GHR: variants seen among roughly 807,000 people sequenced by gnomAD.
GHR encodes GH receptor.
A neutral mutation model predicts 67.1 loss-of-function variants in GHR; 35 were observed. The observed-to-expected ratio is 0.52, with a 90% CI of 0.40 to 0.69. GHR has a LOEUF of 0.69. Ranked by LOEUF, GHR falls within the 30% of genes least tolerant of loss-of-function variation. GHR has a pLI of 0.00. For synonymous variants in GHR, 272 were observed against 269.1 expected, an observed-to-expected ratio of 1.01 and a Z score of -0.10; for missense variants, 792 against 764.6, an observed-to-expected ratio of 1.04 and a Z score of -0.42.
At position 42,701,441 on chromosome 5, in the gene GHR, A is replaced by T. The variant is rs574942946; in HGVS notation, c.618+1439A>T. On this transcript the variant is annotated intron_variant, in intron 6 of 9. Transcript: ENST00000230882. ...TGTCTGCTGCGTACTGAGGTATTGT[A>T]TTTGTCTTGAAGAAAAGCGCTTAAA... is the stretch of plus-strand genomic sequence containing the variant. Among the ~76,000 whole-genome samples the T allele has an allele frequency of 2.0e-5, 3 of 152,250 alleles. No homozygotes were observed. The South Asian group carries it at 6.2e-4, about 32-fold the overall frequency.
At chr5:42,667,096 C>A (rs151113616) in intron 3 of GHR, among the ~76,000 whole-genome samples, 1 of 152,274 alleles carries the variant, frequency 6.6e-6, no homozygotes, top group East Asian at 1.9e-4. Context: ...ATTAAGGCAG[C>A]TGCACACCCC....
At chr5:42,581,449 G>C (rs2112558022) in intron 2 of GHR, among the ~76,000 whole-genome samples, 1 of 152,300 alleles carries the variant, frequency 6.6e-6, no homozygotes, top group East Asian at 1.9e-4. Context: ...GAGACAGGTT[G>C]CTAGTGGAAT....
chr5:42,647,129 G>T (rs943190248), intron 3 of GHR, among the ~76,000 whole-genome samples: 3 of 152,164 alleles, frequency 2.0e-5, no homozygotes, highest in Admixed American at 2.0e-4. Context: ...CTGAGAAAAT[G>T]GTATAATTAT....
intron 2 of GHR, 102 bp from the exon 3 acceptor site, chr5:42,628,935 CG>C: frequency 2.8e-6 from 2 of 719,354 alleles, no homozygotes; most frequent in Non-Finnish European, 4.9e-6. Flanking sequence ...GGGGTCCATT[CG>C]GTTGGTTTGG....
intron 5 of GHR, 25 bp from the exon 6 acceptor site, chr5:42,699,799 A>T: frequency 6.6e-7 from 1 of 1,510,928 alleles, no homozygotes; most frequent in Non-Finnish European, 9.2e-7. Flanking sequence ...CTGTCTGTGT[A>T]CTAATGCTCT....
rs1309364706 is a variant in GHR, at chr5:42,424,271, C to T, written c.-12+316C>T. Among the ~76,000 whole-genome samples, 1 of 151,484 alleles carries T rather than the reference C, an allele frequency of 6.6e-6. No homozygotes were observed. The highest frequency in any genetic ancestry group is 1.5e-5 in the Non-Finnish European group (1 of 67,932). On this transcript the variant is annotated intron_variant, in intron 1 of 9. Coordinates refer to ENST00000230882, the MANE Select transcript of GHR (RefSeq NM_000163.5). This position sits in a 1 kb window ranked among gnomAD's most constrained non-coding sequence, Gnocchi z 4.1. ...GTTGCGGGCGACAGACGAACCATCA[C>T]ACTCTGGCGTCTGCTCTGGCCCGCG...
At chr5:42,705,713 T>C (rs923532155) in intron 6 of GHR, among the ~76,000 whole-genome samples, 1 of 152,158 alleles carries the variant, frequency 6.6e-6, no homozygotes, top group African/African-American at 2.4e-5. Flanking sequence ...GCTCCATCCA[T>C]GTGACTGCAG....
chr5:42,574,632 T>G (rs190138833), intron 2 of GHR, among the ~76,000 whole-genome samples: 1 of 152,356 alleles, frequency 6.6e-6, no homozygotes, highest in African/African-American at 2.4e-5. Context: ...TTTGTCTTAC[T>G]TCTATATTTG....
intron 1 of GHR, among the ~76,000 whole-genome samples, chr5:42,544,919 T>G (rs1211969240): frequency 6.6e-6 from 1 of 152,186 alleles, no homozygotes; most frequent in African/African-American, 2.4e-5. Context: ...TTTTTTACTT[T>G]TTTTTGTTTG....
chr5:42,682,738 A>G (rs188181853), intron 3 of GHR, among the ~76,000 whole-genome samples: 42 of 152,338 alleles, frequency 2.8e-4, no homozygotes, highest in South Asian at 6.2e-4. Flanking sequence ...GTCATTCTTG[A>G]GCACTACTTT....
chr5:42,628,377 A>G (rs1379750528), intron 2 of GHR, among the ~76,000 whole-genome samples: 1 of 141,986 alleles, frequency 7.0e-6, no homozygotes, highest in Non-Finnish European at 1.5e-5. Context: ...TCCTGTCCAT[A>G]TCACCAGTAT....
Position 42,718,104 on chromosome 5 carries a change from G to T in GHR, c.928G>T (p.Asp310Tyr). The T allele has an allele frequency of 1.3e-6, 2 of 1,532,682 alleles. No homozygotes were observed. The highest frequency in any genetic ancestry group is 1.8e-6 in the Non-Finnish European group (2 of 1,105,884). The allele number at this position is 1,532,682 out of a possible 1,614,324, so 94.9% of individuals were successfully genotyped here. The change falls in exon 9 of 10, where the codon GAT (aspartate) becomes TAT (tyrosine). Residue 310 changes from aspartate (D) to tyrosine (Y), a missense_variant. By Grantham distance (160) the Asp-to-Tyr change is radical. Coordinates refer to ENST00000230882, the MANE Select transcript of GHR (RefSeq NM_000163.5). ...TCCAGTTCCAAAGATTAAAGGAATC[G>T]ATCCAGATCTCCTCAAGGTAACTAA... The part of the protein sequence containing the change: ...PVPVPKIKGI[D>Y]PDLLKEGKLE...
intron 3 of GHR, among the ~76,000 whole-genome samples, chr5:42,638,892 G>C (rs1223910819): frequency 6.6e-6 from 1 of 152,086 alleles, no homozygotes; most frequent in African/African-American, 2.4e-5. Flanking sequence ...AAATTATTAT[G>C]GTTATGTTTA....
chr5:42,527,006 A>G (rs1201654318), intron 1 of GHR, among the ~76,000 whole-genome samples: 2 of 135,218 alleles, frequency 1.5e-5, no homozygotes, highest in East Asian at 3.9e-4. Context: ...TGAAGGAGAA[A>G]GAAGATTCAG....
At chr5:42,513,055 C>T (rs35003055) in intron 1 of GHR, among the ~76,000 whole-genome samples, 38,734 of 151,986 alleles carry the variant, frequency 0.25, 5,374 homozygotes, top group Non-Finnish European at 0.28. Context: ...AAACACTATC[C>T]CCTCTGATCT....
intron 1 of GHR, among the ~76,000 whole-genome samples, chr5:42,473,348 A>G (rs1424521720): frequency 6.6e-6 from 1 of 152,122 alleles, no homozygotes; most frequent in Non-Finnish European, 1.5e-5. Flanking sequence ...CTCTTGACTC[A>G]GCCTCCCGAT....
intron 3 of GHR, among the ~76,000 whole-genome samples, chr5:42,671,097 G>C (rs950313617): frequency 2.0e-5 from 3 of 152,032 alleles, no homozygotes; most frequent in Non-Finnish European, 4.4e-5. Context: ...TAGTGTGTTA[G>C]GGTGTTCTAG....
At chr5:42,433,418 A>G (rs1334277148) in intron 1 of GHR, among the ~76,000 whole-genome samples, 1 of 152,152 alleles carries the variant, frequency 6.6e-6, no homozygotes, top group Non-Finnish European at 1.5e-5. Context: ...TTTTGGTATC[A>G]TTGTGAAAAA....
At chr5:42,507,171 T>C (rs980197256) in intron 1 of GHR, among the ~76,000 whole-genome samples, 5 of 152,258 alleles carry the variant, frequency 3.3e-5, no homozygotes, top group African/African-American at 1.2e-4. Flanking sequence ...TTGTTTATGA[T>C]ATAAAATCAG....
Sources: gnomAD v4.1 joint callset for allele counts (sites outside exome capture counted in the v4.1 genomes callset) on GRCh38, gnomAD v4.1.1 for gene constraint, Gnocchi (gnomAD v3.1) non-coding constraint, MANE v1.5 for transcripts, NCBI Gene and HGNC (gene_info 2026-07-23, HGNC 2026-07-21) for gene names.